The following CNTNAP5 variants were observed in gnomAD, a reference collection of about 807,000 sequenced individuals.
CNTNAP5 encodes contactin associated protein family member 5.
A neutral mutation model predicts 150.2 loss-of-function variants in CNTNAP5; 72 were observed. The observed-to-expected ratio is 0.48, with a 90% CI of 0.40 to 0.58. CNTNAP5 has a LOEUF of 0.58. Ranked by LOEUF, CNTNAP5 falls within the 20% of genes least tolerant of loss-of-function variation. CNTNAP5 has a pLI of 0.00. For synonymous variants in CNTNAP5, 672 were observed against 619.8 expected (o/e 1.08, Z -1.25); for missense variants, 1,636 against 1,626.2 (o/e 1.01, Z -0.10).
chr2:124,797,538 A>C (rs1436591118), intron 18 of CNTNAP5, among the ~76,000 whole-genome samples: 2 of 152,178 alleles, frequency 1.3e-5, no homozygotes, highest in Non-Finnish European at 2.9e-5. Flanking sequence ...CTTTGTCCAT[A>C]AATTTCTTAT....
chr2:124,221,013 C>A (rs913608411), intron 1 of CNTNAP5, among the ~76,000 whole-genome samples: 2 of 152,092 alleles, frequency 1.3e-5, no homozygotes, highest in Admixed American at 6.6e-5. Context: ...ATGGCCCCAC[C>A]CTGTCCCACA....
At chr2:124,234,588 A>G (rs1354176708) in intron 2 of CNTNAP5, among the ~76,000 whole-genome samples, 1 of 152,172 alleles carries the variant, frequency 6.6e-6, no homozygotes, top group Non-Finnish European at 1.5e-5. Flanking sequence ...TGCACACATG[A>G]ATCAGCCCTT....
At chr2:124,373,146 C>A (rs934811236) in intron 3 of CNTNAP5, among the ~76,000 whole-genome samples, 46 of 152,278 alleles carry the variant, frequency 3.0e-4, no homozygotes, top group African/African-American at 1.1e-3. Context: ...CTTGGAGTCT[C>A]AGCAGGGAGA....
chr2:124,229,672 GC>G (rs1339378142), intron 2 of CNTNAP5, among the ~76,000 whole-genome samples: 1 of 152,128 alleles, frequency 6.6e-6, no homozygotes, highest in Non-Finnish European at 1.5e-5. Context: ...TGGCAAGAAA[GC>G]TTTTGATCTC....
At chr2:124,767,296 A>T (rs1228299987) in intron 16 of CNTNAP5, among the ~76,000 whole-genome samples, 1 of 152,134 alleles carries the variant, frequency 6.6e-6, no homozygotes, top group African/African-American at 2.4e-5. Flanking sequence ...TTTTCAGTCC[A>T]TTTCCTTCCA....
chr2:124,375,795 A>T (rs1326047430), intron 3 of CNTNAP5, among the ~76,000 whole-genome samples: 1 of 152,098 alleles, frequency 6.6e-6, no homozygotes, highest in Non-Finnish European at 1.5e-5. Flanking sequence ...AAAAAAAGTT[A>T]AAAAACTACA....
At chr2:124,326,058 T>C (rs1689207806) in intron 3 of CNTNAP5, among the ~76,000 whole-genome samples, 1 of 152,162 alleles carries the variant, frequency 6.6e-6, no homozygotes, top group South Asian at 2.1e-4. Flanking sequence ...AACAAATAAG[T>C]AATACATAGG....
intron 10 of CNTNAP5, among the ~76,000 whole-genome samples, chr2:124,529,061 T>G (rs1288268059): frequency 6.6e-6 from 1 of 151,976 alleles, no homozygotes; most frequent in Non-Finnish European, 1.5e-5. Context: ...CTGCTTTGTT[T>G]TTTTTTTTTT....
At chr2:124,487,714 T>C (rs1167701686) in intron 7 of CNTNAP5, among the ~76,000 whole-genome samples, 1 of 152,114 alleles carries the variant, frequency 6.6e-6, no homozygotes, top group African/African-American at 2.4e-5. Context: ...GCTTTCTCTA[T>C]AGGCTTCTAG....
intron 11 of CNTNAP5, among the ~76,000 whole-genome samples, chr2:124,592,653 CT>C (rs771124153): frequency 1.9e-4 from 29 of 151,992 alleles, no homozygotes; most frequent in Non-Finnish European, 3.1e-4. Flanking sequence ...GGGAAAAGGC[CT>C]TTCCCCTATA....
intron 13 of CNTNAP5, among the ~76,000 whole-genome samples, chr2:124,690,405 AT>A (rs1177667053): frequency 2.0e-5 from 3 of 152,118 alleles, no homozygotes; most frequent in Admixed American, 2.0e-4. Flanking sequence ...TATACAGACA[AT>A]ATTCAAACGA....
intron 10 of CNTNAP5, among the ~76,000 whole-genome samples, chr2:124,554,245 T>A (rs994086428): frequency 2.6e-5 from 4 of 152,176 alleles, no homozygotes; most frequent in Non-Finnish European, 5.9e-5. Flanking sequence ...ATATGTGATA[T>A]ATTTTATTAA....
intron 13 of CNTNAP5, among the ~76,000 whole-genome samples, chr2:124,705,759 A>G (rs866028653): frequency 6.6e-6 from 1 of 150,744 alleles, no homozygotes; most frequent in Middle Eastern, 3.4e-3. Context: ...TTTTAGCACC[A>G]TAGGAAAAGT....
intron 1 of CNTNAP5, among the ~76,000 whole-genome samples, chr2:124,110,351 G>T (rs569879622): frequency 6.6e-6 from 1 of 152,096 alleles, no homozygotes; most frequent in African/African-American, 2.4e-5. Context: ...TCATATAATC[G>T]ATGAATTCAC....
chr2:124,654,215 T>C (rs1435883272), intron 13 of CNTNAP5, among the ~76,000 whole-genome samples: 70 of 152,134 alleles, frequency 4.6e-4, no homozygotes, highest in Non-Finnish European at 2.9e-5. Context: ...GGCCAGATTT[T>C]ACAAAGCCTG....
chr2:124,469,689 C>T (rs1316035848), intron 6 of CNTNAP5, among the ~76,000 whole-genome samples: 1 of 152,008 alleles, frequency 6.6e-6, no homozygotes, highest in Non-Finnish European at 1.5e-5. Flanking sequence ...AGGTATTAAG[C>T]CCAGCATCCA....
At chr2:124,223,406 T>C (rs915666421) in intron 2 of CNTNAP5, among the ~76,000 whole-genome samples, 1 of 152,178 alleles carries the variant, frequency 6.6e-6, no homozygotes, top group Non-Finnish European at 1.5e-5. Flanking sequence ...CCCAGGAATG[T>C]CTGCCTTGCA....
Position 124,197,987 on chromosome 2 carries a change from T to A in CNTNAP5, c.83-23718T>A, listed in dbSNP as rs553465857. Among the ~76,000 whole-genome samples the A allele has an allele frequency of 3.9e-3, 562 of 143,940 alleles. 3 individuals carry two copies. Among genetic ancestry groups the A allele is most frequent in the Middle Eastern group, 0.036 (10 of 278 alleles). The allele number at this position is 143,940 out of a possible 152,430, so 94.4% of individuals were successfully genotyped here. Reference sequence around the variant, plus strand: ...CAGAGACTCTGTCTCAAAAAAAAAATAATAAAAATAAAAATAATAATAATA... The same window carrying A: ...CAGAGACTCTGTCTCAAAAAAAAAAAAATAAAAATAAAAATAATAATAATA... On this transcript the variant is annotated intron_variant, in intron 1 of 23. Transcript: ENST00000682447.
chr2:124,298,758 G>T (rs1257798602), intron 3 of CNTNAP5, among the ~76,000 whole-genome samples: 4 of 151,986 alleles, frequency 2.6e-5, no homozygotes, highest in Non-Finnish European at 5.9e-5. Context: ...TCATTATCTT[G>T]TCATACTTCA....
Sources: gnomAD v4.1 joint callset for allele counts (sites outside exome capture counted in the v4.1 genomes callset) on GRCh38, gnomAD v4.1.1 for gene constraint, MANE v1.5 for transcripts, NCBI Gene and HGNC (gene_info 2026-07-23, HGNC 2026-07-21) for gene names.